The following MEGF6 variants were observed in gnomAD, a reference collection of about 807,000 sequenced individuals.
MEGF6 encodes the protein multiple EGF like domains 6.
Under a neutral mutation model 207.1 loss-of-function variants are expected in MEGF6, and 184 were observed. The observed-to-expected ratio is 0.89, with a 90% CI of 0.79 to 1.00. The LOEUF (loss-of-function observed/expected upper bound fraction) is 1.00, where lower values mean the gene tolerates loss of function less well. Among genes scored for constraint, MEGF6 ranks in the 50% least tolerant of loss-of-function variants. The pLI is 0.00. For synonymous variants in MEGF6, 1,038 were observed against 910.0 expected, an observed-to-expected ratio of 1.14 and a Z score of -2.53; for missense variants, 2,282 against 2,202.9, an observed-to-expected ratio of 1.04 and a Z score of -0.72.
chr1:3,525,244 G>A (rs533784354), intron 4 of MEGF6, among the ~76,000 whole-genome samples: 13 of 152,308 alleles, frequency 8.5e-5, no homozygotes, highest in African/African-American at 2.6e-4. Context: ...CCCAGACCCC[G>A]TCAGACCCTC....
intron 4 of MEGF6, among the ~76,000 whole-genome samples, chr1:3,529,185 C>T (rs918564038): frequency 4.6e-5 from 7 of 152,216 alleles, no homozygotes; most frequent in Admixed American, 6.5e-5. Flanking sequence ...CCATGCTGCC[C>T]ACTGAGCCCT....
chr1:3,522,004 T>C (rs1641768804), intron 5 of MEGF6, among the ~76,000 whole-genome samples: 1 of 152,184 alleles, frequency 6.6e-6, no homozygotes, highest in Non-Finnish European at 1.5e-5. Flanking sequence ...CAAAGGCTAG[T>C]GGGACCCAAG....
intron 4 of MEGF6, among the ~76,000 whole-genome samples, chr1:3,549,110 G>C (rs559067087): frequency 5.3e-5 from 8 of 151,978 alleles, no homozygotes; most frequent in Non-Finnish European, 1.0e-4. Flanking sequence ...GTGGCTCCGC[G>C]CTGGGTGATC....
chr1:3,499,085 G>C, intron 24 of MEGF6, 53 bp downstream of exon 24: 8 of 1,583,686 alleles, frequency 5.1e-6, no homozygotes, highest in Non-Finnish European at 6.0e-6. Context: ...CAAGAGGCCA[G>C]CACCCTCGCT....
chr1:3,502,088 C>CCACACCTCCTCACATGGGCTCCTGG (rs1640923391), intron 17 of MEGF6, among the ~76,000 whole-genome samples, 167 bp from the exon 18 acceptor site: 1 of 115,690 alleles, frequency 8.6e-6, no homozygotes, highest in South Asian at 2.8e-4. Flanking sequence ...AGTGTGCCCC[C>CCACACCTCCTCACATGGGCTCCTGG]CCGCGCCTCC....
At chr1:3,516,307 C>T (rs903007449) in intron 5 of MEGF6, among the ~76,000 whole-genome samples, 3 of 152,246 alleles carry the variant, frequency 2.0e-5, no homozygotes, top group Non-Finnish European at 2.9e-5. Flanking sequence ...CTGCCAAAAG[C>T]GGTAGCCAGC....
intron 7 of MEGF6, 118 bp from the exon 8 acceptor site, chr1:3,512,246 G>A (rs1490079935): frequency 1.5e-6 from 2 of 1,340,226 alleles, no homozygotes; most frequent in African/African-American, 1.5e-5. Context: ...CATGACACAG[G>A]CATTCAAGGC....
the MEGF6 span, chr1:3,623,134 ATTCTCCCTCT>A: frequency 1.7e-5 from 2 of 120,954 alleles, no homozygotes; most frequent in African/African-American, 6.1e-5. Context: ...TCTCTCCCCC[ATTCTCCCTCT>A]TTCTCCCCCC....
intron 5 of MEGF6, 74 bp from the exon 6 acceptor site, chr1:3,515,601 A>G: frequency 1.3e-6 from 2 of 1,557,478 alleles, no homozygotes; most frequent in Admixed American, 1.7e-5. Flanking sequence ...GCTGGCATGG[A>G]GCAGGGAGTG....
chr1:3,623,756 G>T, the MEGF6 span, among the ~76,000 whole-genome samples: 1 of 152,196 alleles, frequency 6.6e-6, no homozygotes, highest in African/African-American at 2.4e-5. Flanking sequence ...TGGCAAGTGG[G>T]GCAGAATCCC....
rs1462698631 is a variant in MEGF6, at chr1:3,501,038, C to T, written c.2503G>A (p.Asp835Asn). Residue 835 changes from aspartate (D) to asparagine (N), a missense_variant, in exon 20 of 37, where the codon GAT becomes AAT. Transcript: ENST00000356575. ...CCGGTGGCTGGGTGGCAGTGCCCATCATTGGCACAAGAGCACCTTGTCTGG... is the reference window on the plus strand; with the variant it reads ...CCGGTGGCTGGGTGGCAGTGCCCATTATTGGCACAAGAGCACCTTGTCTGG... The part of the protein sequence containing the change: ...SCQTRCSCAN[D>N]GHCHPATGHC... The T allele has an allele frequency of 1.9e-6, 3 of 1,612,776 alleles. No individual in the cohort carries two copies. Among genetic ancestry groups the T allele is most frequent in the Non-Finnish European group, 8.5e-7 (1 of 1,179,966 alleles).
At chr1:3,589,206 T>C (rs1643939434) in intron 3 of MEGF6, among the ~76,000 whole-genome samples, 1 of 151,890 alleles carries the variant, frequency 6.6e-6, no homozygotes, top group Non-Finnish European at 1.5e-5. Flanking sequence ...CTGGAAGAGA[T>C]AGGAAGGACC....
chr1:3,591,610 G>A (rs74641075), intron 3 of MEGF6, among the ~76,000 whole-genome samples: 1,925 of 151,562 alleles, frequency 0.013, 24 homozygotes, highest in South Asian at 0.018. Flanking sequence ...ATGGGGGCGC[G>A]GGCGAGGGGG....
chr1:3,520,493 C>G (rs1360290342), intron 5 of MEGF6, among the ~76,000 whole-genome samples: 3 of 152,206 alleles, frequency 2.0e-5, no homozygotes, highest in Non-Finnish European at 4.4e-5. Context: ...GAATGAGAAG[C>G]AGGCTTGGCC....
At position 3,497,374 on chromosome 1, in the gene MEGF6, G is replaced by A. The variant is rs569241816; in HGVS notation, c.3353-13C>T. 6.6e-7 allele frequency: 1 copy of A among 1,520,874 alleles called. No homozygotes were observed. The highest frequency in any genetic ancestry group is 1.3e-5 in the South Asian group (1 of 79,200). 94.2% of individuals were successfully genotyped at this position (1,520,874 alleles called of 1,614,324 possible). A position where few individuals can be genotyped will look rare whatever the true frequency, so the allele number is the denominator to read the frequency against. Reference sequence around the variant, plus strand: ...CCCCGCAGGCAGGCTGCAGAAAGATGAGGGCTGCGGAGGCTTCTAGGAGGG... The same window carrying A: ...CCCCGCAGGCAGGCTGCAGAAAGATAAGGGCTGCGGAGGCTTCTAGGAGGG... On this transcript the variant is annotated splice_polypyrimidine_tract_variant and intron_variant, in intron 26 of 36. Transcript: ENST00000356575.
At chr1:3,491,659 G>A (rs557452757) in intron 35 of MEGF6, among the ~76,000 whole-genome samples, 44 of 151,384 alleles carry the variant, frequency 2.9e-4, no homozygotes, top group Admixed American at 4.6e-4. Context: ...GCAGCCTGGC[G>A]CCCGGCCTTT....
chr1:3,492,236 T>C (rs1640404075), intron 35 of MEGF6, among the ~76,000 whole-genome samples: 1 of 152,106 alleles, frequency 6.6e-6, no homozygotes, highest in Non-Finnish European at 1.5e-5. Flanking sequence ...CACACCCTGG[T>C]GCACGTGTAT....
Position 3,570,297 on chromosome 1 carries a change from C to A in MEGF6, c.481+9528G>T, listed in dbSNP as rs116729677. ...AGGCCAGTGAAGCCAAAGTCAAGCA[C>A]CTGCCCTGCCCGCTCAACCCACTGC... On this transcript the variant is annotated intron_variant, in intron 4 of 36. Transcript: ENST00000356575. Among the ~76,000 whole-genome samples, 924 of 152,350 alleles carry A rather than the reference C, an allele frequency of 6.1e-3. 12 individuals carry two copies. The highest frequency in any genetic ancestry group is 0.021 in the African/African-American group (878 of 41,566).
At chr1:3,504,987 G>A (rs1427438208) in intron 17 of MEGF6, among the ~76,000 whole-genome samples, 3 of 152,154 alleles carry the variant, frequency 2.0e-5, no homozygotes, top group Non-Finnish European at 4.4e-5. Context: ...GCTGCCCTGA[G>A]CAGACCAGAC....
Sources: gnomAD v4.1 joint callset for allele counts (sites outside exome capture counted in the v4.1 genomes callset) on GRCh38, gnomAD v4.1.1 for gene constraint, MANE v1.5 for transcripts, NCBI Gene and HGNC (gene_info 2026-07-23, HGNC 2026-07-21) for gene names.